Variants in DLGAP4 observed in about 807,000 individuals in gnomAD.
DLGAP4 encodes the protein DLG associated protein 4.
In DLGAP4, 18 loss-of-function variants were observed where a neutral mutation model predicts 86.9. The observed-to-expected ratio is 0.21, with a 90% confidence interval of 0.14 to 0.31. The LOEUF (loss-of-function observed/expected upper bound fraction) is 0.31. Among genes scored for constraint, DLGAP4 ranks in the 10% least tolerant of loss-of-function variants. The pLI, the probability that DLGAP4 is intolerant of heterozygous loss-of-function variation, is 1.00. For missense variants in DLGAP4, 1,085 were observed against 1,362.6 expected (o/e 0.80, Z 3.21); for synonymous variants, 548 against 574.3 (o/e 0.95, Z 0.65).
intron 7 of DLGAP4, among the ~76,000 whole-genome samples, chr20:36,462,776 G>T (rs2034157502): frequency 6.6e-6 from 1 of 152,204 alleles, no homozygotes; most frequent in Non-Finnish European, 1.5e-5. Context: ...GGGAGTGGGG[G>T]GCCTTCCTGC....
intron 1 of DLGAP4, among the ~76,000 whole-genome samples, chr20:36,318,927 T>C (rs1308800457): frequency 2.0e-5 from 3 of 152,092 alleles, no homozygotes; most frequent in African/African-American, 7.2e-5. Flanking sequence ...GGGAGGATCA[T>C]GAGGTCAAGA....
intron 1 of DLGAP4, among the ~76,000 whole-genome samples, chr20:36,364,892 C>T (rs948761202): frequency 2.0e-5 from 3 of 152,000 alleles, no homozygotes; most frequent in Admixed American, 1.3e-4. Flanking sequence ...GCCAGGAGTT[C>T]GAGACTAGCC....
At chr20:36,409,890 C>T (rs1341562505) in intron 2 of DLGAP4, among the ~76,000 whole-genome samples, 3 of 151,242 alleles carry the variant, frequency 2.0e-5, no homozygotes, top group Admixed American at 2.0e-4. Flanking sequence ...AAAAATTAGC[C>T]GGGTATGGTG....
chr20:36,339,055 A>C (rs2065350438), intron 1 of DLGAP4, among the ~76,000 whole-genome samples: 1 of 152,212 alleles, frequency 6.6e-6, no homozygotes, highest in Non-Finnish European at 1.5e-5. Flanking sequence ...GTAGGGAGCC[A>C]CGGAGGGTTT....
chr20:36,448,179 C>T (rs1368541261), intron 7 of DLGAP4, among the ~76,000 whole-genome samples: 4 of 151,960 alleles, frequency 2.6e-5, no homozygotes, highest in South Asian at 2.1e-4. Flanking sequence ...TGATGAAACC[C>T]GGACTCTAAA....
rs542646872 is a variant in DLGAP4, at chr20:36,526,995, C to T, written c.2943C>T (p.Ile981=). ...CAGCCACCGAGAGCGCAGACAGCATCGAGATTTATGTCCCGGAGGCCCAGA... is the reference window on the plus strand; with the variant it reads ...CAGCCACCGAGAGCGCAGACAGCATTGAGATTTATGTCCCGGAGGCCCAGA... ...QNSATESADS[I]EIYVPEAQTR... Residue 981 remains isoleucine (I), a synonymous_variant, in exon 13 of 13, where the codon ATC becomes ATT. Transcript: ENST00000339266. 2.5e-5 allele frequency: 40 copies of T among 1,610,822 alleles called. No individual in the cohort carries two copies. In the Admixed American group the frequency reaches 2.9e-4, roughly 12 times the overall value.
chr20:36,379,309 G>A lies in DLGAP4; in HGVS notation c.-73+12034G>A, dbSNP rs540628186. ...AGATGCTCTTGAGAAAGACTATTCT[G>A]GTGGTGGGTGCGGGATCCTGTCAGG... On this transcript the variant is annotated intron_variant, in intron 2 of 12. Coordinates refer to ENST00000339266, the MANE Select transcript of DLGAP4 (RefSeq NM_001365621.2). Among the ~76,000 whole-genome samples, 18 of 152,360 alleles carry A rather than the reference G, an allele frequency of 1.2e-4. No individual in the cohort carries two copies. In the South Asian group the frequency reaches 2.5e-3, roughly 21 times the overall value.
At chr20:36,363,370 T>C (rs2030583670) in intron 1 of DLGAP4, among the ~76,000 whole-genome samples, 1 of 152,174 alleles carries the variant, frequency 6.6e-6, no homozygotes, top group Admixed American at 6.5e-5. Flanking sequence ...AGCTTTATAC[T>C]CCTTGAGCAT....
rs1160735252 is a variant in DLGAP4 at position 36,431,206 on chromosome 20, T to G, written c.-72-440T>G. 6.6e-6 allele frequency among the ~76,000 whole-genome samples: 1 copy of G among 151,988 alleles called. No individual in the cohort carries two copies. Among genetic ancestry groups the G allele is most frequent in the African/African-American group, 2.4e-5 (1 of 41,392 alleles). ...GACCATCCTGGGGTTCCGGGATGAC[T>G]GTTTGGGGGCCTGTGGACAGAGCTA... On this transcript the variant is annotated intron_variant, in intron 2 of 12. Transcript: ENST00000339266. The surrounding 1 kb of genome is among the most constrained non-coding windows in gnomAD (Gnocchi z 5.1).
chr20:36,398,918 C>T (rs753879987), intron 2 of DLGAP4, among the ~76,000 whole-genome samples: 62 of 152,246 alleles, frequency 4.1e-4, no homozygotes, highest in African/African-American at 8.2e-4. Context: ...GCTGGCCAGG[C>T]GCGGTGGCTC....
chr20:36,443,861 G>A (rs184154246), intron 6 of DLGAP4, among the ~76,000 whole-genome samples: 2 of 152,284 alleles, frequency 1.3e-5, no homozygotes, highest in East Asian at 3.9e-4. Flanking sequence ...TCCTAAGCCT[G>A]TGATATGAAT....
intron 2 of DLGAP4, among the ~76,000 whole-genome samples, chr20:36,405,744 T>C (rs749935156): frequency 5.3e-5 from 8 of 151,762 alleles, no homozygotes; most frequent in Non-Finnish European, 1.0e-4. Context: ...GCCTGTTAAA[T>C]GGGAAGTTGG....
chr20:36,527,049 G>A lies in DLGAP4; in HGVS notation c.*18G>A. On this transcript the variant is annotated 3_prime_UTR_variant, in exon 13 of 13. Transcript: ENST00000339266. ...GGCTCTGAGACCATGCAGGAGGAAAGAAACGATTTTAAATCATTAAAAACA... is the reference window on the plus strand; with the variant it reads ...GGCTCTGAGACCATGCAGGAGGAAAAAAACGATTTTAAATCATTAAAAACA... The A allele has an allele frequency of 6.4e-7, 1 of 1,567,756 alleles. No individual in the cohort carries two copies. The highest frequency in any genetic ancestry group is 8.6e-7 in the Non-Finnish European group (1 of 1,157,816).
chr20:36,439,710 A>T, intron 4 of DLGAP4, 44 bp from the exon 5 acceptor site: 1 of 1,561,884 alleles, frequency 6.4e-7, no homozygotes, highest in Non-Finnish European at 8.7e-7. Context: ...AGCTGGGTGA[A>T]CAATGGGTGG....
intron 7 of DLGAP4, among the ~76,000 whole-genome samples, chr20:36,488,268 C>CT (rs1223479030): frequency 6.6e-6 from 1 of 151,898 alleles, no homozygotes; most frequent in African/African-American, 2.4e-5. Flanking sequence ...CTTCAGGCAC[C>CT]CTGGTTTCAG....
chr20:36,473,363 C>T (rs1365450860), intron 7 of DLGAP4, among the ~76,000 whole-genome samples: 1 of 152,168 alleles, frequency 6.6e-6, no homozygotes. Flanking sequence ...CAAGACCCTT[C>T]CCTTCTCTGG....
At chr20:36,389,162 G>A (rs1033971558) in intron 2 of DLGAP4, among the ~76,000 whole-genome samples, 2 of 152,230 alleles carry the variant, frequency 1.3e-5, no homozygotes, top group South Asian at 4.1e-4. Context: ...GTTGAAAATT[G>A]GATATGTGAA....
intron 2 of DLGAP4, among the ~76,000 whole-genome samples, chr20:36,413,655 G>A (rs556489439): frequency 1.3e-5 from 2 of 149,254 alleles, no homozygotes; most frequent in African/African-American, 2.5e-5. Context: ...TCCTGACCTC[G>A]TGATCCACCC....
At chr20:36,484,903 T>C (rs2147720884) in intron 7 of DLGAP4, among the ~76,000 whole-genome samples, 1 of 152,360 alleles carries the variant, frequency 6.6e-6, no homozygotes, top group South Asian at 2.1e-4. Context: ...TCAGAGGAGT[T>C]TTTTTGCCAA....
Sources: gnomAD v4.1 joint callset for allele counts (sites outside exome capture counted in the v4.1 genomes callset) on GRCh38, gnomAD v4.1.1 for gene constraint, Gnocchi (gnomAD v3.1) non-coding constraint, MANE v1.5 for transcripts, NCBI Gene and HGNC (gene_info 2026-07-23, HGNC 2026-07-21) for gene names.